GBF1: variants seen among roughly 807,000 people sequenced by gnomAD.
The protein encoded by GBF1 is Golgi-specific brefeldin A-resistance guanine nucleotide exchange factor 1.
GBF1 carries 114 observed loss-of-function variants against 210.5 expected under a neutral mutation model. The observed-to-expected ratio is 0.54, with a 90% CI of 0.47 to 0.63. The LOEUF (loss-of-function observed/expected upper bound fraction) is 0.63. Among genes scored for constraint, GBF1 ranks in the 30% least tolerant of loss-of-function variants. The pLI, the probability that GBF1 is intolerant of heterozygous loss-of-function variation, is 0.00. For missense variants in GBF1, 1,851 were observed against 2,357.7 expected (o/e 0.79, Z 4.45); for synonymous variants, 850 against 889.2 (o/e 0.96, Z 0.78).
intron 8 of GBF1, among the ~76,000 whole-genome samples, chr10:102,356,969 C>T (rs559879349): frequency 2.0e-5 from 3 of 152,168 alleles, no homozygotes; most frequent in East Asian, 1.9e-4. Flanking sequence ...GAATCAGTGG[C>T]CTTACCATCT....
intron 4 of GBF1, among the ~76,000 whole-genome samples, chr10:102,344,573 C>T (rs563889418): frequency 4.0e-5 from 6 of 151,502 alleles, no homozygotes; most frequent in East Asian, 2.0e-4. Context: ...CTCCACCTCC[C>T]GGGTTCATGC....
Position 102,375,342 on chromosome 10 carries a change from C to T in GBF1, c.3661-17C>T. 5.3e-6 allele frequency: 8 copies of T among 1,504,878 alleles called. No homozygotes were observed. Among genetic ancestry groups the T allele is most frequent in the Non-Finnish European group, 6.5e-6 (7 of 1,080,590 alleles). The allele number at this position is 1,504,878 out of a possible 1,614,324, so 93.2% of individuals were successfully genotyped here. On this transcript the variant is annotated splice_polypyrimidine_tract_variant and intron_variant, in intron 29 of 39. Transcript: ENST00000369983. ...CAGCTCCCCGCTTCCCCGCTCCCTG[C>T]CCTAACCCCACTCCAGGTGCTGCTC... is the stretch of plus-strand genomic sequence containing the variant.
intron 3 of GBF1, among the ~76,000 whole-genome samples, chr10:102,306,324 T>C (rs1334256640): frequency 1.3e-5 from 2 of 152,260 alleles, no homozygotes; most frequent in Admixed American, 1.3e-4. Context: ...GGAGTTCTCT[T>C]CAACAGAATT....
rs533498840 is a variant in GBF1 at position 102,287,562 on chromosome 10, A to G, written c.163+27446A>G. Reference sequence around the variant, plus strand: ...TGGTTCTGGCTTAGGGTCTCTCAAGATGTCAGCCAGGGCAGCAGTCATTTG... The same window carrying G: ...TGGTTCTGGCTTAGGGTCTCTCAAGGTGTCAGCCAGGGCAGCAGTCATTTG... On this transcript the variant is annotated intron_variant, in intron 3 of 39. Coordinates refer to ENST00000369983, the MANE Select transcript of GBF1 (RefSeq NM_001377137.1). Among the ~76,000 whole-genome samples the G allele has an allele frequency of 1.2e-4, 18 of 152,104 alleles. 1 individual carries two copies. Among genetic ancestry groups the G allele is most frequent in the African/African-American group, 4.3e-4 (18 of 41,496 alleles).
In GBF1 at chr10:102,260,129, A is replaced by G. The variant is rs569886596; in HGVS notation, c.163+13A>G. The G allele has an allele frequency of 3.6e-5, 46 of 1,286,852 alleles. No individual in the cohort carries two copies. The highest frequency in any genetic ancestry group is 4.9e-5 in the Non-Finnish European group (44 of 891,194). 79.7% of individuals were successfully genotyped at this position (1,286,852 alleles called of 1,614,324 possible). ...AACAGTATAACAGGTAAGTCTCCAT[A>G]TGTATGTGGATTACTAATCTTGGTA... On this transcript the variant is annotated intron_variant, in intron 3 of 39. Coordinates refer to ENST00000369983, the MANE Select transcript of GBF1 (RefSeq NM_001377137.1).
At chr10:102,317,470 T>C (rs2055917613) in intron 3 of GBF1, among the ~76,000 whole-genome samples, 1 of 151,624 alleles carries the variant, frequency 6.6e-6, no homozygotes, top group Non-Finnish European at 1.5e-5. Context: ...AATACAAAAT[T>C]AGCCAGGCAT....
chr10:102,381,041 T>G (rs547106474), intron 38 of GBF1, 86 bp from the exon 39 acceptor site: 1 of 1,278,280 alleles, frequency 7.8e-7, no homozygotes. Context: ...GTGCCCTGGG[T>G]GGGTAGAAAG....
intron 3 of GBF1, among the ~76,000 whole-genome samples, chr10:102,296,973 A>C (rs944591819): frequency 6.6e-6 from 1 of 151,266 alleles, no homozygotes; most frequent in African/African-American, 2.4e-5. Context: ...TGAACCCGGG[A>C]GGCAGAGGTT....
chr10:102,306,533 C>G (rs1298231095), intron 3 of GBF1, among the ~76,000 whole-genome samples: 3 of 152,254 alleles, frequency 2.0e-5, no homozygotes. Flanking sequence ...AAGCGATTCT[C>G]TGGCCTCAGC....
intron 3 of GBF1, among the ~76,000 whole-genome samples, chr10:102,282,072 G>A (rs1250330250): frequency 3.3e-5 from 5 of 149,904 alleles, no homozygotes; most frequent in East Asian, 1.9e-4. Flanking sequence ...GACTACAGGC[G>A]CCCACCACCA....
chr10:102,247,173 T>C (rs939628787), intron 1 of GBF1, among the ~76,000 whole-genome samples: 22 of 152,194 alleles, frequency 1.4e-4, no homozygotes, highest in African/African-American at 5.1e-4. Context: ...AGAAAACTAT[T>C]TAGGATCTTG....
At chr10:102,362,021 A>G in intron 14 of GBF1, 109 bp downstream of exon 14, 5 of 507,360 alleles carry the variant, frequency 9.9e-6, no homozygotes, top group Non-Finnish European at 1.7e-5. Context: ...AGAGCTGGGA[A>G]ATAGAAGAAA....
chr10:102,355,704 A>T (rs1391543979), intron 8 of GBF1, among the ~76,000 whole-genome samples: 1 of 152,242 alleles, frequency 6.6e-6, no homozygotes, highest in African/African-American at 2.4e-5. Context: ...TCTCAGTGGA[A>T]GTAGGACTGC....
intron 3 of GBF1, among the ~76,000 whole-genome samples, chr10:102,294,558 T>C (rs1419473769): frequency 6.6e-6 from 1 of 151,808 alleles, no homozygotes; most frequent in African/African-American, 2.4e-5. Context: ...ATTTTTTGTA[T>C]TTTTAGTAGA....
At chr10:102,357,348 G>A (rs910554337) in intron 8 of GBF1, among the ~76,000 whole-genome samples, 2 of 152,064 alleles carry the variant, frequency 1.3e-5, no homozygotes, top group East Asian at 1.9e-4. Flanking sequence ...TTATCCAGGC[G>A]TGGTGGTCCA....
chr10:102,322,807 A>G (rs764492196), intron 3 of GBF1, among the ~76,000 whole-genome samples: 4 of 151,912 alleles, frequency 2.6e-5, no homozygotes, highest in Non-Finnish European at 2.9e-5. Flanking sequence ...ATTTTTAATA[A>G]GAGCCAGTTG....
intron 3 of GBF1, among the ~76,000 whole-genome samples, chr10:102,293,762 A>ATTTTTTTTTTTTT (rs1565071251): frequency 2.2e-5 from 1 of 44,578 alleles, no homozygotes; most frequent in South Asian, 1.0e-3. Context: ...CAGCTGTAGT[A>ATTTTTTTTTTTTT]TGTTTTGTGT....
chr10:102,360,441 A>G (rs1273057277), intron 12 of GBF1, 46 bp downstream of exon 12: 1 of 1,233,702 alleles, frequency 8.1e-7, no homozygotes, highest in Admixed American at 1.7e-5. Context: ...TTCAAGGGCC[A>G]GGGGAACACA....
intron 1 of GBF1, among the ~76,000 whole-genome samples, chr10:102,246,434 A>G (rs935642169): frequency 3.9e-5 from 6 of 152,174 alleles, no homozygotes; most frequent in African/African-American, 9.6e-5. Context: ...CCTTTATACA[A>G]TCTTTCACAG....
Sources: allele counts gnomAD v4.1 joint callset (sites outside exome capture counted in the v4.1 genomes callset), GRCh38; gene constraint gnomAD v4.1.1; transcripts MANE v1.5; gene names NCBI Gene and HGNC (gene_info 2026-07-23, HGNC 2026-07-21).